Variants in ARHGAP26 observed in about 807,000 individuals in gnomAD.
ARHGAP26 encodes the protein Rho GTPase activating protein 26, also known as rho GTPase-activating protein 26.
In ARHGAP26, 38 loss-of-function variants were observed where a neutral mutation model predicts 104.8. That is an observed-to-expected ratio of 0.36 (90% confidence interval 0.28 to 0.48). The LOEUF (loss-of-function observed/expected upper bound fraction) is 0.48, where lower values mean the gene tolerates loss of function less well. ARHGAP26 is among the 20% of genes least tolerant of loss of function. ARHGAP26 has a pLI of 0.99. For missense variants in ARHGAP26, 704 were observed against 947.9 expected, an observed-to-expected ratio of 0.74 and a Z score of 3.38; for synonymous variants, 341 against 340.0, an observed-to-expected ratio of 1.00 and a Z score of -0.03.
chr5:143,062,722 T>C (rs192348348), intron 17 of ARHGAP26, among the ~76,000 whole-genome samples: 22 of 152,318 alleles, frequency 1.4e-4, no homozygotes, highest in Admixed American at 1.2e-3. Flanking sequence ...TTCAGTAGCA[T>C]TCCTTGAAGT....
chr5:143,014,235 C>A, intron 12 of ARHGAP26, 119 bp downstream of exon 12: 1 of 1,143,778 alleles, frequency 8.7e-7, no homozygotes, highest in Non-Finnish European at 1.3e-6. Flanking sequence ...GGCTCCAGTT[C>A]CCGAGTGCAG....
intron 10 of ARHGAP26, chr5:142,921,640 A>G (rs534835637): frequency 1.2e-5 from 2 of 166,960 alleles, no homozygotes; most frequent in African/African-American, 4.8e-5. Flanking sequence ...CCTCATTTCA[A>G]ATATGTTTGT....
chr5:142,825,829 A>T (rs998842349), intron 1 of ARHGAP26, among the ~76,000 whole-genome samples: 2 of 152,214 alleles, frequency 1.3e-5, no homozygotes, highest in Non-Finnish European at 2.9e-5. Flanking sequence ...AGTATCATTT[A>T]TAGGTGTCCT....
intron 12 of ARHGAP26, among the ~76,000 whole-genome samples, chr5:143,017,164 G>T (rs1239730294): frequency 6.6e-6 from 1 of 152,136 alleles, no homozygotes; most frequent in African/African-American, 2.4e-5. Context: ...TGTTTTGGTG[G>T]GAATTTCAAT....
chr5:143,000,493 T>G (rs1314877267), intron 11 of ARHGAP26, among the ~76,000 whole-genome samples: 1 of 152,228 alleles, frequency 6.6e-6, no homozygotes, highest in Admixed American at 6.5e-5. Flanking sequence ...TATTAAAAAT[T>G]TTATGCTGAG....
intron 1 of ARHGAP26, among the ~76,000 whole-genome samples, chr5:142,775,897 C>CT (rs1368772741): frequency 1.6e-4 from 25 of 152,288 alleles, no homozygotes; most frequent in African/African-American, 6.0e-4. Flanking sequence ...CTTTTAAAGT[C>CT]ATAAAAATGT....
chr5:143,060,525 A>T (rs150879080), intron 17 of ARHGAP26, among the ~76,000 whole-genome samples: 12 of 152,058 alleles, frequency 7.9e-5, no homozygotes, highest in Non-Finnish European at 1.5e-4. Flanking sequence ...AATCACAGAG[A>T]TGTTGGATTT....
chr5:143,031,348 A>C (rs1781808351), intron 12 of ARHGAP26, among the ~76,000 whole-genome samples: 1 of 152,242 alleles, frequency 6.6e-6, no homozygotes, highest in Admixed American at 6.5e-5. Context: ...CAGGAACAAG[A>C]AGAATAAGAA....
intron 17 of ARHGAP26, among the ~76,000 whole-genome samples, chr5:143,066,904 T>C (rs1467902860): frequency 4.6e-5 from 7 of 152,162 alleles, no homozygotes; most frequent in African/African-American, 1.4e-4. Context: ...TTATTGCAAG[T>C]CTCACACTTC....
intron 20 of ARHGAP26, among the ~76,000 whole-genome samples, chr5:143,178,719 C>G (rs1803868574): frequency 6.6e-6 from 1 of 152,196 alleles, no homozygotes; most frequent in Non-Finnish European, 1.5e-5. Context: ...ACGATTGCCC[C>G]AGGAGGGAGG....
At chr5:143,026,783 A>G (rs1781119108) in intron 12 of ARHGAP26, among the ~76,000 whole-genome samples, 1 of 126,930 alleles carries the variant, frequency 7.9e-6, no homozygotes, top group Non-Finnish European at 1.6e-5. Flanking sequence ...CTGGTGGGGA[A>G]TAAACCGTAG....
intron 17 of ARHGAP26, among the ~76,000 whole-genome samples, chr5:143,069,784 G>A (rs999492846): frequency 6.6e-6 from 1 of 152,190 alleles, no homozygotes; most frequent in Non-Finnish European, 1.5e-5. Flanking sequence ...GATGGATCTT[G>A]TAAGTGCCTC....
intron 11 of ARHGAP26, among the ~76,000 whole-genome samples, chr5:142,989,863 C>T (rs2152751389): frequency 6.6e-6 from 1 of 152,274 alleles, no homozygotes; most frequent in South Asian, 2.1e-4. Context: ...ATAACCCGAC[C>T]TTTCTCTCTG....
chr5:143,066,072 C>T (rs988903471), intron 17 of ARHGAP26, among the ~76,000 whole-genome samples: 1 of 152,128 alleles, frequency 6.6e-6, no homozygotes, highest in South Asian at 2.1e-4. Context: ...AACGATGAAC[C>T]ACATATATGA....
intron 19 of ARHGAP26, among the ~76,000 whole-genome samples, chr5:143,143,747 T>C (rs1798831287): frequency 6.6e-6 from 1 of 152,194 alleles, no homozygotes; most frequent in South Asian, 2.1e-4. Context: ...GGATGGCTAA[T>C]GGTGACCTCA....
intron 11 of ARHGAP26, among the ~76,000 whole-genome samples, chr5:143,013,076 G>A (rs1779114309): frequency 6.6e-6 from 1 of 152,010 alleles, no homozygotes; most frequent in Non-Finnish European, 1.5e-5. Context: ...GAGCCCATAA[G>A]CCAAGCATCA....
intron 19 of ARHGAP26, among the ~76,000 whole-genome samples, chr5:143,146,084 G>T (rs1234256896): frequency 1.3e-5 from 2 of 152,100 alleles, no homozygotes; most frequent in Non-Finnish European, 2.9e-5. Flanking sequence ...AAAGGTCCAG[G>T]ATTAGCCTAG....
chr5:142,817,708 T>C (rs1170736687), intron 1 of ARHGAP26, among the ~76,000 whole-genome samples: 1 of 152,206 alleles, frequency 6.6e-6, no homozygotes, highest in Non-Finnish European at 1.5e-5. Flanking sequence ...AGTGCTGGCC[T>C]CAGTGACTTG....
intron 13 of ARHGAP26, among the ~76,000 whole-genome samples, chr5:143,038,689 T>TTC (rs1783009588): frequency 7.4e-5 from 1 of 13,430 alleles, no homozygotes; most frequent in East Asian, 4.2e-4. Flanking sequence ...ACGGCCTTTT[T>TTC]TTTTTTTTTT....
Sources: gnomAD v4.1 joint callset for allele counts (sites outside exome capture counted in the v4.1 genomes callset) on GRCh38, gnomAD v4.1.1 for gene constraint, MANE v1.5 for transcripts, NCBI Gene and HGNC (gene_info 2026-07-23, HGNC 2026-07-21) for gene names.